RBBP4: variants seen among roughly 807,000 people sequenced by gnomAD.
RBBP4 encodes histone-binding protein RBBP4.
RBBP4 carries 3 observed loss-of-function variants against 57.2 expected under a neutral mutation model. That is an observed-to-expected ratio of 0.05 (90% CI 0.02 to 0.14). RBBP4 has a LOEUF of 0.14. RBBP4 is among the 10% of genes least tolerant of loss of function. The pLI is 1.00. For synonymous variants in RBBP4, 151 were observed against 171.5 expected (o/e 0.88, Z 0.93); for missense variants, 107 against 520.6 (o/e 0.21, Z 7.73).
intron 11 of RBBP4, among the ~76,000 whole-genome samples, chr1:32,677,741 G>A (rs1166283819): frequency 6.6e-6 from 1 of 151,924 alleles, no homozygotes; most frequent in African/African-American, 2.4e-5. Flanking sequence ...CCTAAGAAAG[G>A]GTACCCCACA....
At chr1:32,667,432 C>A (rs976875538) in intron 3 of RBBP4, among the ~76,000 whole-genome samples, 1 of 152,144 alleles carries the variant, frequency 6.6e-6, no homozygotes, top group Non-Finnish European at 1.5e-5. Flanking sequence ...ATCACTTGGA[C>A]GACTCATCCT....
chr1:32,658,864 A>G (rs182090647), intron 3 of RBBP4, among the ~76,000 whole-genome samples: 13 of 151,610 alleles, frequency 8.6e-5, no homozygotes, highest in South Asian at 8.3e-4. Flanking sequence ...AACTACATAT[A>G]TGTGTGTGTA....
At chr1:32,675,969 C>T (rs917192243) in intron 11 of RBBP4, among the ~76,000 whole-genome samples, 1 of 152,006 alleles carries the variant, frequency 6.6e-6, no homozygotes, top group Non-Finnish European at 1.5e-5. Context: ...TGCCTGTGAT[C>T]CCAGCTACTT....
intron 2 of RBBP4, among the ~76,000 whole-genome samples, chr1:32,652,850 C>G (rs1647930847): frequency 2.0e-5 from 3 of 152,196 alleles, no homozygotes; most frequent in Non-Finnish European, 4.4e-5. Flanking sequence ...CTGGCCTCAA[C>G]AAAACTTAAT....
At chr1:32,667,248 T>C (rs143489094) in intron 3 of RBBP4, among the ~76,000 whole-genome samples, 1 of 152,334 alleles carries the variant, frequency 6.6e-6, no homozygotes, top group East Asian at 1.9e-4. Context: ...TGATTCCTCT[T>C]TGAAGTTGCT....
In RBBP4 at chr1:32,684,161, C is replaced by CT; in HGVS notation, c.*4461dup. On this transcript the variant is annotated 3_prime_UTR_variant, in exon 12 of 12. Coordinates refer to ENST00000373493, the MANE Select transcript of RBBP4 (RefSeq NM_005610.3). ...ATTTGAAAATCATTTCCCAAATCCT[C>CT]TTTTTGTTTTTGATTCTAAGGTAAA... 6.2e-7 allele frequency: 1 copy of CT among 1,606,114 alleles called. No homozygotes were observed. The highest frequency in any genetic ancestry group is 1.1e-5 in the South Asian group (1 of 90,354).
chr1:32,656,572 G>C (rs1484806029), intron 2 of RBBP4, among the ~76,000 whole-genome samples: 1 of 152,064 alleles, frequency 6.6e-6, no homozygotes, highest in Non-Finnish European at 1.5e-5. Flanking sequence ...GGCTGGTCTC[G>C]AATTCCTGAC....
rs573580866 is a variant in RBBP4 at position 32,669,984 on chromosome 1, C to A, written c.966+421C>A. ...AATAGAAATCTATATGCCTATGCTA[C>A]TTTCTGTGGGAATTGTTTTTTCTTT... On this transcript the variant is annotated intron_variant, in intron 8 of 11. Coordinates refer to ENST00000373493, the MANE Select transcript of RBBP4 (RefSeq NM_005610.3). The surrounding 1 kb of genome is among the most constrained non-coding windows in gnomAD (Gnocchi z 4.9). Among the ~76,000 whole-genome samples the A allele has an allele frequency of 7.9e-5, 12 of 152,346 alleles. No individual in the cohort carries two copies. The East Asian group carries it at 2.3e-3, about 29-fold the overall frequency.
Position 32,669,448 on chromosome 1 carries a change from A to G in RBBP4, c.889-38A>G. The G allele has an allele frequency of 1.3e-6, 2 of 1,564,424 alleles. No individual in the cohort carries two copies. The highest frequency in any genetic ancestry group is 1.7e-6 in the Non-Finnish European group (2 of 1,163,914). ...TTACTTACAGTATTTTTTTTTTCTT[A>G]AAAAATTGATTACTCTTGCTTTTCT... On this transcript the variant is annotated intron_variant, in intron 7 of 11. Transcript: ENST00000373493. The surrounding 1 kb of genome is among the most constrained non-coding windows in gnomAD (Gnocchi z 4.9).
At chr1:32,659,115 T>A (rs1648286629) in intron 3 of RBBP4, among the ~76,000 whole-genome samples, 1 of 147,608 alleles carries the variant, frequency 6.8e-6, no homozygotes, top group Admixed American at 6.8e-5. Flanking sequence ...GTAATATATA[T>A]AATTTATATA....
intron 3 of RBBP4, among the ~76,000 whole-genome samples, chr1:32,659,549 A>AG (rs201018744): frequency 3.0e-5 from 4 of 132,242 alleles, no homozygotes; most frequent in Admixed American, 8.3e-5. Context: ...AAAAAAAAAA[A>AG]GGGAAACTCC....
rs1649298026 is a variant in RBBP4, at chr1:32,679,761, A to G, written c.*56A>G. The G allele has an allele frequency of 6.2e-7, 1 of 1,607,694 alleles. No homozygotes were observed. Among genetic ancestry groups the G allele is most frequent in the Non-Finnish European group, 8.5e-7 (1 of 1,177,482 alleles). Reference sequence around the variant, plus strand: ...CCCCTTTTTTCTTCTCAACCCTGAGAGTGATTTAACACTGGTTTTGAGACA... The same window carrying G: ...CCCCTTTTTTCTTCTCAACCCTGAGGGTGATTTAACACTGGTTTTGAGACA... On this transcript the variant is annotated 3_prime_UTR_variant, in exon 12 of 12. Transcript: ENST00000373493.
In RBBP4 at chr1:32,681,978, C is replaced by G. The variant is rs1649470210; in HGVS notation, c.*2273C>G. The G allele has an allele frequency of 1.1e-6, 1 of 897,170 alleles. No individual in the cohort carries two copies. Among genetic ancestry groups the G allele is most frequent in the Admixed American group, 2.1e-5 (1 of 47,116 alleles). 55.6% of individuals were successfully genotyped at this position (897,170 alleles called of 1,614,324 possible). Reference sequence around the variant, plus strand: ...ATGGATGATCAGGGATGACTTTCCCCTAGCAAATATTTGGATGCCTCCTGT... The same window carrying G: ...ATGGATGATCAGGGATGACTTTCCCGTAGCAAATATTTGGATGCCTCCTGT... On this transcript the variant is annotated 3_prime_UTR_variant, in exon 12 of 12. Transcript: ENST00000373493.
chr1:32,675,316 G>A (rs1165303906), intron 11 of RBBP4, among the ~76,000 whole-genome samples: 2 of 152,026 alleles, frequency 1.3e-5, no homozygotes, highest in East Asian at 1.9e-4. Flanking sequence ...AATTACAGGC[G>A]TGAGCCACCG....
At chr1:32,675,134 G>A (rs1039682667) in intron 11 of RBBP4, among the ~76,000 whole-genome samples, 2 of 150,914 alleles carry the variant, frequency 1.3e-5, no homozygotes, top group African/African-American at 2.4e-5. Flanking sequence ...GGGTTCAAGC[G>A]ATTCTCCTGC....
At chr1:32,663,525 AG>A (rs1210456080) in intron 3 of RBBP4, among the ~76,000 whole-genome samples, 1 of 150,634 alleles carries the variant, frequency 6.6e-6, no homozygotes, top group African/African-American at 2.4e-5. Flanking sequence ...CTGCAGCCGC[AG>A]CCTCCCAAGC....
chr1:32,669,842 G>A lies in RBBP4; in HGVS notation c.966+279G>A, dbSNP rs1648795821. Among the ~76,000 whole-genome samples the A allele has an allele frequency of 6.6e-6, 1 of 152,108 alleles. No homozygotes were observed. The highest frequency in any genetic ancestry group is 2.4e-5 in the African/African-American group (1 of 41,412). ...GGAGGCAGAGGTTGCAGTGAGCCGA[G>A]ATTGTGCCACTGCACTCTAGCCTGG... On this transcript the variant is annotated intron_variant, in intron 8 of 11. Coordinates refer to ENST00000373493, the MANE Select transcript of RBBP4 (RefSeq NM_005610.3). The surrounding 1 kb of genome is among the most constrained non-coding windows in gnomAD (Gnocchi z 4.9).
At position 32,682,092 on chromosome 1, in the gene RBBP4, T is replaced by A; in HGVS notation, c.*2387T>A. The A allele has an allele frequency of 2.0e-6, 1 of 512,678 alleles. No individual in the cohort carries two copies. The highest frequency in any genetic ancestry group is 3.5e-6 in the Non-Finnish European group (1 of 287,986). 31.8% of individuals were successfully genotyped at this position (512,678 alleles called of 1,614,324 possible). ...TAACTTCTTACAGGTATAATTACAA[T>A]GCCTGAAATTCTGTAGTTTCATTTC... On this transcript the variant is annotated 3_prime_UTR_variant, in exon 12 of 12. Coordinates refer to ENST00000373493, the MANE Select transcript of RBBP4 (RefSeq NM_005610.3).
intron 3 of RBBP4, among the ~76,000 whole-genome samples, chr1:32,659,370 G>A (rs1176329506): frequency 6.6e-6 from 1 of 151,788 alleles, no homozygotes; most frequent in African/African-American, 2.4e-5. Context: ...AGACCAGCCT[G>A]GCCAACATAG....
Sources: allele counts gnomAD v4.1 joint callset (sites outside exome capture counted in the v4.1 genomes callset), GRCh38; gene constraint gnomAD v4.1.1; non-coding constraint Gnocchi (gnomAD v3.1); transcripts MANE v1.5; gene names NCBI Gene and HGNC (gene_info 2026-07-23, HGNC 2026-07-21).